The following GPC6 variants were observed in gnomAD, a reference collection of about 807,000 sequenced individuals.
GPC6 encodes the protein glypican 6, also known as glypican-6.
Under a neutral mutation model 55.2 loss-of-function variants are expected in GPC6, and 14 were observed. The ratio of observed to expected loss-of-function variants is 0.25; its 90% CI spans 0.17 to 0.40. The LOEUF is 0.40. Ranked by LOEUF, GPC6 falls within the 10% of genes least tolerant of loss-of-function variation. The pLI is 1.00. For missense variants in GPC6, 641 were observed against 708.5 expected (o/e 0.90, Z 1.08); for synonymous variants, 278 against 259.6 (o/e 1.07, Z -0.68).
upstream of GPC6, among the ~76,000 whole-genome samples, chr13:93,223,604 A>C (rs1037995905): frequency 6.6e-6 from 1 of 151,620 alleles, no homozygotes; most frequent in Non-Finnish European, 1.5e-5. Flanking sequence ...CCATCACACC[A>C]GCGAATTTTT....
intron 1 of GPC6, among the ~76,000 whole-genome samples, chr13:93,490,499 CT>C (rs1295689738): frequency 0.03 from 548 of 18,310 alleles, 8 homozygotes; most frequent in African/African-American, 0.093. Flanking sequence ...ATTTTTTTTT[CT>C]TTTTTTTTTT....
At chr13:93,614,288 G>C (rs1878624503) in intron 2 of GPC6, among the ~76,000 whole-genome samples, 1 of 152,134 alleles carries the variant, frequency 6.6e-6, no homozygotes, top group African/African-American at 2.4e-5. Flanking sequence ...CATCAGAGAA[G>C]ACTTTCTGTT....
intron 4 of GPC6, among the ~76,000 whole-genome samples, chr13:94,037,819 G>A (rs896978805): frequency 5.1e-4 from 78 of 152,076 alleles, no homozygotes; most frequent in Non-Finnish European, 5.9e-5. Context: ...TTGAGAATCT[G>A]ATATTGCCAG....
intron 1 of GPC6, among the ~76,000 whole-genome samples, chr13:93,432,507 T>C (rs1463276831): frequency 6.6e-6 from 1 of 152,116 alleles, no homozygotes; most frequent in Non-Finnish European, 1.5e-5. Flanking sequence ...GTGTAGTGTA[T>C]AAAAACAAAA....
At chr13:94,274,396 A>G (rs1189911689) in intron 4 of GPC6, among the ~76,000 whole-genome samples, 7 of 152,090 alleles carry the variant, frequency 4.6e-5, no homozygotes, top group Non-Finnish European at 7.4e-5. Flanking sequence ...ATTATTCTGG[A>G]TGGCTGTCCC....
intron 1 of GPC6, among the ~76,000 whole-genome samples, chr13:93,316,308 A>G (rs1879246866): frequency 1.3e-5 from 2 of 152,070 alleles, no homozygotes; most frequent in Admixed American, 6.6e-5. Context: ...ATCGACATTC[A>G]TGGCTAGTTT....
At chr13:93,515,066 C>A (rs887751742) in intron 1 of GPC6, among the ~76,000 whole-genome samples, 1 of 152,078 alleles carries the variant, frequency 6.6e-6, no homozygotes, top group East Asian at 1.9e-4. Context: ...TGTGCCCCTA[C>A]AAGAAAACAG....
chr13:94,111,479 A>C (rs1009261887), intron 4 of GPC6, among the ~76,000 whole-genome samples: 1 of 16,686 alleles, frequency 6.0e-5, no homozygotes, highest in Non-Finnish European at 1.3e-4. Context: ...TAAATATAAT[A>C]ATAATAATAA....
chr13:93,748,032 C>T (rs1884459233), intron 2 of GPC6, among the ~76,000 whole-genome samples: 1 of 152,110 alleles, frequency 6.6e-6, no homozygotes, highest in Non-Finnish European at 1.5e-5. Context: ...ACAGTATTTG[C>T]TCGATGAAAA....
At chr13:93,853,806 T>C (rs1888504436) in intron 3 of GPC6, among the ~76,000 whole-genome samples, 1 of 151,714 alleles carries the variant, frequency 6.6e-6, no homozygotes, top group Non-Finnish European at 1.5e-5. Context: ...TATAATTTTA[T>C]TTTTAATATT....
intron 4 of GPC6, among the ~76,000 whole-genome samples, chr13:94,075,366 C>T (rs1594716124): frequency 6.6e-6 from 1 of 152,116 alleles, no homozygotes; most frequent in East Asian, 1.9e-4. Flanking sequence ...AGGAAATAAA[C>T]ATATTTATCA....
chr13:93,587,801 G>C (rs75649189), intron 2 of GPC6, among the ~76,000 whole-genome samples: 2,808 of 152,248 alleles, frequency 0.018, 86 homozygotes, highest in African/African-American at 0.064. Flanking sequence ...AAACAGCTAA[G>C]TCCAAGCTTT....
At chr13:93,935,241 A>C (rs967125414) in intron 3 of GPC6, among the ~76,000 whole-genome samples, 9 of 152,056 alleles carry the variant, frequency 5.9e-5, no homozygotes, top group African/African-American at 2.2e-4. Context: ...CCAAAAGATA[A>C]TTTTTCAACC....
At chr13:93,970,140 G>A (rs567285154) in intron 3 of GPC6, among the ~76,000 whole-genome samples, 3 of 152,150 alleles carry the variant, frequency 2.0e-5, no homozygotes, top group African/African-American at 7.2e-5. Flanking sequence ...TATTCTTTTC[G>A]ATTTTTCCAT....
intron 4 of GPC6, among the ~76,000 whole-genome samples, chr13:94,156,526 A>T (rs1887950045): frequency 6.6e-6 from 1 of 152,172 alleles, no homozygotes; most frequent in Admixed American, 6.5e-5. Context: ...CTACCCAACC[A>T]CACCCACACC....
intron 1 of GPC6, among the ~76,000 whole-genome samples, chr13:93,519,206 A>T (rs1333516453): frequency 1.3e-5 from 2 of 152,116 alleles, no homozygotes; most frequent in Admixed American, 1.3e-4. Context: ...GTATTCTTCT[A>T]CATTCAAACT....
intron 1 of GPC6, among the ~76,000 whole-genome samples, chr13:93,416,836 G>T (rs992296882): frequency 6.6e-6 from 1 of 152,018 alleles, no homozygotes; most frequent in Admixed American, 6.6e-5. Context: ...CTGAGGCTCC[G>T]AGGAGTTAAG....
At chr13:94,048,149 A>G (rs960726152) in intron 4 of GPC6, among the ~76,000 whole-genome samples, 3 of 152,066 alleles carry the variant, frequency 2.0e-5, no homozygotes, top group Non-Finnish European at 4.4e-5. Flanking sequence ...CATATAGACT[A>G]TGAATGAGTG....
intron 2 of GPC6, among the ~76,000 whole-genome samples, chr13:93,729,541 C>A (rs541217637): frequency 2.6e-5 from 4 of 152,276 alleles, no homozygotes; most frequent in Non-Finnish European, 5.9e-5. Context: ...AACATTATGT[C>A]TTTCAAGGTA....
Sources: allele counts gnomAD v4.1 joint callset (sites outside exome capture counted in the v4.1 genomes callset), GRCh38; gene constraint gnomAD v4.1.1; transcripts MANE v1.5; gene names NCBI Gene and HGNC (gene_info 2026-07-23, HGNC 2026-07-21).